CACNA1E: variants seen among roughly 807,000 people sequenced by gnomAD.
CACNA1E encodes voltage-dependent R-type calcium channel subunit alpha-1E.
Under a neutral mutation model 259.2 loss-of-function variants are expected in CACNA1E, and 40 were observed. The ratio of observed to expected loss-of-function variants is 0.15; its 90% CI spans 0.12 to 0.20. The LOEUF (loss-of-function observed/expected upper bound fraction) is 0.20. CACNA1E is among the 10% of genes least tolerant of loss of function. The pLI, the probability that CACNA1E is intolerant of heterozygous loss-of-function variation, is 1.00. For synonymous variants in CACNA1E, 1,104 were observed against 1,138.5 expected (o/e 0.97, Z 0.61); for missense variants, 1,874 against 3,040.1 (o/e 0.62, Z 9.02).
intron 3 of CACNA1E, among the ~76,000 whole-genome samples, chr1:181,546,068 A>G (rs1647424333): frequency 6.6e-6 from 1 of 152,068 alleles, no homozygotes; most frequent in African/African-American, 2.4e-5. Flanking sequence ...GCCGTGGGGA[A>G]GCAGAAGCTG....
intron 1 of CACNA1E, among the ~76,000 whole-genome samples, chr1:181,505,342 T>C (rs1335758686): frequency 1.3e-5 from 2 of 152,082 alleles, no homozygotes; most frequent in Admixed American, 6.5e-5. Context: ...CAAGACAGAA[T>C]TTTTTCTTGT....
chr1:181,376,369 C>T (rs12096619), intron 1 of CACNA1E, among the ~76,000 whole-genome samples: 79,573 of 152,110 alleles, frequency 0.52, 22,374 homozygotes, highest in African/African-American at 0.74. Context: ...GGAAGGAGAG[C>T]TGGAAGAGCC....
At chr1:181,361,307 T>C (rs866465358) in intron 1 of CACNA1E, among the ~76,000 whole-genome samples, 1 of 152,084 alleles carries the variant, frequency 6.6e-6, no homozygotes, top group East Asian at 1.9e-4. Flanking sequence ...TAGGGAAATA[T>C]GGAGGTGGGC....
intron 6 of CACNA1E, among the ~76,000 whole-genome samples, chr1:181,616,759 G>A (rs1008165590): frequency 3.3e-5 from 5 of 151,972 alleles, no homozygotes; most frequent in African/African-American, 1.2e-4. Flanking sequence ...GAGGTGGGGG[G>A]AATCATGGAA....
At chr1:181,603,344 C>T (rs929821809) in intron 6 of CACNA1E, among the ~76,000 whole-genome samples, 4 of 152,144 alleles carry the variant, frequency 2.6e-5, no homozygotes, top group African/African-American at 9.7e-5. Context: ...AGGGTCTTTG[C>T]TCTTGTTGAT....
intron 1 of CACNA1E, among the ~76,000 whole-genome samples, chr1:181,331,328 C>A (rs889941857): frequency 1.3e-5 from 2 of 152,048 alleles, no homozygotes; most frequent in Non-Finnish European, 2.9e-5. Flanking sequence ...CATCACAGGC[C>A]ATTTGTAAGC....
chr1:181,761,583 C>G (rs112441544), intron 32 of CACNA1E, among the ~76,000 whole-genome samples: 1 of 152,302 alleles, frequency 6.6e-6, no homozygotes, highest in African/African-American at 2.4e-5. Flanking sequence ...ATATCAATTA[C>G]AGGTGTTTGA....
At chr1:181,551,338 G>A (rs1316543512) in intron 3 of CACNA1E, among the ~76,000 whole-genome samples, 1 of 152,208 alleles carries the variant, frequency 6.6e-6, no homozygotes, top group Non-Finnish European at 1.5e-5. Flanking sequence ...CAGACTCAGT[G>A]GTTGCCATGG....
intron 41 of CACNA1E, 64 bp from the exon 42 acceptor site, chr1:181,785,254 A>C (rs1660758090): frequency 1.1e-6 from 1 of 923,284 alleles, no homozygotes; most frequent in African/African-American, 1.6e-5. Flanking sequence ...CAAAGCTTAG[A>C]GGTTCCTCAC....
rs1414080367 is a variant in CACNA1E, at chr1:181,790,460, A to T, written c.5802A>T (p.Gly1934=). The part of the protein sequence containing the change: ...DPVSGLSGRS[G]YPSMSPLSPQ... The stretch of plus-strand genomic sequence containing the variant: ...TGCTTTTCAGGAGTGGCCGGAGTGG[A>T]TACCCTTCGATGAGTCCACTCTCTC... Residue 1934 remains glycine (G), a synonymous_variant, in exon 44 of 48, where the codon GGA becomes GGT. Coordinates refer to ENST00000367573, the MANE Select transcript of CACNA1E (RefSeq NM_001205293.3). 1 of 1,611,884 alleles carries T rather than the reference A, an allele frequency of 6.2e-7. No homozygotes were observed. The highest frequency in any genetic ancestry group is 8.5e-7 in the Non-Finnish European group (1 of 1,178,180).
At chr1:181,401,853 G>A (rs1216510380) in intron 1 of CACNA1E, among the ~76,000 whole-genome samples, 2 of 152,192 alleles carry the variant, frequency 1.3e-5, no homozygotes, top group African/African-American at 4.8e-5. Flanking sequence ...GACTCCTCTT[G>A]GAATTACTGC....
intron 2 of CACNA1E, among the ~76,000 whole-genome samples, chr1:181,428,554 G>A (rs1003722842): frequency 6.6e-6 from 1 of 152,150 alleles, no homozygotes; most frequent in African/African-American, 2.4e-5. Flanking sequence ...GAAACAGGCT[G>A]GGAGTGGGGG....
At chr1:181,574,161 A>G (rs1003461135) in intron 3 of CACNA1E, among the ~76,000 whole-genome samples, 1 of 152,198 alleles carries the variant, frequency 6.6e-6, no homozygotes, top group Non-Finnish European at 1.5e-5. Context: ...GGAGAGCATC[A>G]GGAGAAATAA....
intron 2 of CACNA1E, among the ~76,000 whole-genome samples, chr1:181,474,177 T>C (rs1481855660): frequency 6.6e-6 from 1 of 152,210 alleles, no homozygotes; most frequent in African/African-American, 2.4e-5. Context: ...CTTTGAATTA[T>C]TCTATTAATA....
intron 6 of CACNA1E, among the ~76,000 whole-genome samples, chr1:181,588,566 C>T (rs1194210273): frequency 6.6e-6 from 1 of 152,190 alleles, no homozygotes; most frequent in Non-Finnish European, 1.5e-5. Flanking sequence ...ACCAGGATGC[C>T]ATCATGTTTG....
intron 3 of CACNA1E, among the ~76,000 whole-genome samples, chr1:181,553,684 C>A (rs1648423797): frequency 6.6e-6 from 1 of 152,088 alleles, no homozygotes; most frequent in African/African-American, 2.4e-5. Flanking sequence ...TCCATCAATA[C>A]CTAGTTTATT....
chr1:181,545,659 C>T (rs189987180), intron 3 of CACNA1E, among the ~76,000 whole-genome samples: 4 of 152,290 alleles, frequency 2.6e-5, no homozygotes, highest in Admixed American at 6.5e-5. Context: ...AGAGGAGGCA[C>T]GAGGAAACCA....
chr1:181,480,677 CTGGGCAT>C (rs1663173183), upstream of CACNA1E, among the ~76,000 whole-genome samples: 2 of 152,196 alleles, frequency 1.3e-5, no homozygotes, highest in African/African-American at 4.8e-5. Flanking sequence ...CCTGCTTATT[CTGGGCAT>C]TGAGAAGGTA....
At chr1:181,347,287 T>C (rs1389758143) in intron 1 of CACNA1E, among the ~76,000 whole-genome samples, 2 of 152,188 alleles carry the variant, frequency 1.3e-5, no homozygotes, top group Non-Finnish European at 2.9e-5. Context: ...AGCATGACTG[T>C]TCATGGAGGC....
Sources: gnomAD v4.1 joint callset for allele counts (sites outside exome capture counted in the v4.1 genomes callset) on GRCh38, gnomAD v4.1.1 for gene constraint, MANE v1.5 for transcripts, NCBI Gene and HGNC (gene_info 2026-07-23, HGNC 2026-07-21) for gene names.